Variants in ZPBP observed in about 807,000 individuals in gnomAD.
ZPBP encodes the protein zona pellucida binding protein, also known as zona pellucida-binding protein 1.
ZPBP carries 26 observed loss-of-function variants against 44.8 expected under a neutral mutation model. The observed-to-expected ratio is 0.58, with a 90% confidence interval of 0.43 to 0.81. The LOEUF (loss-of-function observed/expected upper bound fraction) is 0.81. Ranked by LOEUF, ZPBP falls within the 30% of genes least tolerant of loss-of-function variation. The pLI, the probability that ZPBP is intolerant of heterozygous loss-of-function variation, is 0.00. For missense variants in ZPBP, 409 were observed against 434.0 expected, an observed-to-expected ratio of 0.94 and a Z score of 0.51; for synonymous variants, 174 against 153.2, an observed-to-expected ratio of 1.14 and a Z score of -1.00.
chr7:50,088,188 G>C (rs184615862), intron 2 of ZPBP, among the ~76,000 whole-genome samples: 1 of 151,836 alleles, frequency 6.6e-6, no homozygotes, highest in Non-Finnish European at 1.5e-5. Flanking sequence ...AAGAATAATC[G>C]CTTCAACAAA....
chr7:49,972,186 G>A lies in ZPBP; in HGVS notation c.961+11156C>T, dbSNP rs374206945. 1.5e-3 allele frequency among the ~76,000 whole-genome samples: 233 copies of A among 151,248 alleles called. 3 individuals are homozygous for A. The highest frequency in any genetic ancestry group is 5.4e-3 in the African/African-American group (223 of 41,316). ...GCATTTCCCCTAAGATTAATAACAGGGCAAGGGTGTCTACTATCCTCACTT... is the reference window on the plus strand; with the variant it reads ...GCATTTCCCCTAAGATTAATAACAGAGCAAGGGTGTCTACTATCCTCACTT... On this transcript the variant is annotated intron_variant, in intron 7 of 7. Coordinates refer to ENST00000046087, the MANE Select transcript of ZPBP (RefSeq NM_007009.3).
At chr7:49,983,599 A>G (rs1254018163) in intron 6 of ZPBP, 80 bp from the exon 7 acceptor site, 5 of 889,860 alleles carry the variant, frequency 5.6e-6, no homozygotes, top group South Asian at 1.6e-5. Context: ...ATGTGGATTT[A>G]GAATTTAAAG....
intron 1 of ZPBP, among the ~76,000 whole-genome samples, chr7:49,932,204 T>C (rs970976286): frequency 2.0e-5 from 3 of 152,156 alleles, no homozygotes; most frequent in African/African-American, 7.2e-5. Flanking sequence ...CTATTGGAGC[T>C]GTGAGAAGAG....
At chr7:49,872,551 A>T (rs1269293787) in intron 2 of ZPBP, among the ~76,000 whole-genome samples, 3 of 152,082 alleles carry the variant, frequency 2.0e-5, no homozygotes, top group Admixed American at 2.0e-4. Context: ...ACACAAAAAA[A>T]TACAAAACAG....
intron 6 of ZPBP, among the ~76,000 whole-genome samples, chr7:49,994,135 T>C (rs2128790117): frequency 6.6e-6 from 1 of 152,328 alleles, no homozygotes; most frequent in South Asian, 2.1e-4. Flanking sequence ...CATCTGGCCA[T>C]TATTCGTTCC....
rs773682646 is a variant in ZPBP, at chr7:50,089,716, A to G, written c.128-7T>C. On this transcript the variant is annotated splice_region_variant and splice_polypyrimidine_tract_variant and intron_variant, in intron 1 of 7. Transcript: ENST00000046087. ...AATCGAACCAAGTGTCCAACTATCA[A>G]AAAAAAAGATCAACAATTTGTCTCA... 1.0e-5 allele frequency: 16 copies of G among 1,602,732 alleles called. No individual in the cohort carries two copies. The highest frequency in any genetic ancestry group is 1.4e-5 in the Non-Finnish European group (16 of 1,171,858).
intron 4 of ZPBP, among the ~76,000 whole-genome samples, chr7:50,054,663 G>A (rs1261599101): frequency 6.6e-6 from 1 of 151,868 alleles, no homozygotes; most frequent in East Asian, 1.9e-4. Flanking sequence ...TGAATATCTT[G>A]CTCAACACAG....
At chr7:49,845,506 G>C (rs868136724), downstream of ZPBP, among the ~76,000 whole-genome samples, 1 of 152,186 alleles carries the variant, frequency 6.6e-6, no homozygotes, top group Non-Finnish European at 1.5e-5. Context: ...ATGTAGAATG[G>C]TGAAGGAATA....
chr7:49,910,243 A>G (rs1793336043), intron 1 of ZPBP, among the ~76,000 whole-genome samples: 1 of 152,170 alleles, frequency 6.6e-6, no homozygotes, highest in Admixed American at 6.5e-5. Flanking sequence ...CTCGAAAACC[A>G]CCACCACAGA....
chr7:49,976,518 A>G (rs1796524663), intron 7 of ZPBP, among the ~76,000 whole-genome samples: 1 of 152,102 alleles, frequency 6.6e-6, no homozygotes, highest in Non-Finnish European at 1.5e-5. Context: ...ACCCCCTTCT[A>G]TCCATGATAG....
intron 2 of ZPBP, among the ~76,000 whole-genome samples, chr7:49,858,315 A>T (rs931133953): frequency 3.9e-5 from 6 of 152,092 alleles, no homozygotes; most frequent in Admixed American, 6.5e-5. Context: ...CAAATGTCCA[A>T]CAATGATAGA....
Position 49,952,203 on chromosome 7 carries a change from T to C in ZPBP, c.962-14581A>G, listed in dbSNP as rs143475163. Among the ~76,000 whole-genome samples the C allele has an allele frequency of 1.1e-3, 169 of 152,064 alleles. 1 individual carries two copies. Among genetic ancestry groups the C allele is most frequent in the Non-Finnish European group, 1.8e-3 (119 of 67,848 alleles). ...TATTAAATTGTTCACATTAAAATGG[T>C]GAATTTTAATTAATGTGAATTTCAA... On this transcript the variant is annotated intron_variant, in intron 7 of 7. Coordinates refer to ENST00000046087, the MANE Select transcript of ZPBP (RefSeq NM_007009.3).
chr7:50,065,952 C>T (rs1290878917), intron 3 of ZPBP, among the ~76,000 whole-genome samples: 1 of 151,092 alleles, frequency 6.6e-6, no homozygotes, highest in Non-Finnish European at 1.5e-5. Context: ...TAAAGAACTG[C>T]ATGTCCTTGT....
intron 7 of ZPBP, among the ~76,000 whole-genome samples, chr7:49,967,710 CT>C (rs1201636761): frequency 6.6e-6 from 1 of 152,050 alleles, no homozygotes; most frequent in East Asian, 1.9e-4. Context: ...CCACGCATGG[CT>C]AATTTTGTAT....
At chr7:49,897,290 C>A (rs1417575426) in intron 2 of ZPBP, among the ~76,000 whole-genome samples, 3 of 152,124 alleles carry the variant, frequency 2.0e-5, no homozygotes, top group African/African-American at 7.2e-5. Context: ...AATAATTTCC[C>A]AACTCATTCC....
intron 7 of ZPBP, among the ~76,000 whole-genome samples, chr7:49,948,374 T>C (rs1241015858): frequency 6.6e-6 from 1 of 152,322 alleles, no homozygotes; most frequent in East Asian, 1.9e-4. Context: ...AAATAAAGAT[T>C]GGGTTCTATA....
intron 5 of ZPBP, among the ~76,000 whole-genome samples, chr7:50,025,020 AAAC>A (rs997043201): frequency 2.6e-5 from 4 of 151,906 alleles, no homozygotes; most frequent in Non-Finnish European, 4.4e-5. Context: ...TACTTGTAAT[AAAC>A]AACTGTAATT....
chr7:49,968,907 A>G (rs1357737060), intron 7 of ZPBP, among the ~76,000 whole-genome samples: 2 of 151,962 alleles, frequency 1.3e-5, no homozygotes, highest in African/African-American at 4.8e-5. Context: ...ATAAGAATGT[A>G]TCTCATAGAC....
intron 6 of ZPBP, among the ~76,000 whole-genome samples, chr7:50,003,785 T>C (rs563344163): frequency 6.6e-6 from 1 of 151,336 alleles, no homozygotes; most frequent in East Asian, 1.9e-4. Context: ...AACACTCAAA[T>C]TTCAACAAAT....
Sources: gnomAD v4.1 joint callset for allele counts (sites outside exome capture counted in the v4.1 genomes callset) on GRCh38, gnomAD v4.1.1 for gene constraint, MANE v1.5 for transcripts, NCBI Gene and HGNC (gene_info 2026-07-23, HGNC 2026-07-21) for gene names.